Variants in SLC12A3 observed in about 807,000 individuals in gnomAD.
SLC12A3 encodes the protein Na-Cl cotransporter.
A neutral mutation model predicts 121.0 loss-of-function variants in SLC12A3; 104 were observed. That is an observed-to-expected ratio of 0.86 (90% CI 0.73 to 1.01). The LOEUF is 1.01. SLC12A3 is among the 50% of genes least tolerant of loss of function. The pLI is 0.00. For missense variants in SLC12A3, 1,328 were observed against 1,356.3 expected (o/e 0.98, Z 0.33); for synonymous variants, 536 against 533.4 (o/e 1.00, Z -0.07).
In SLC12A3 at chr16:56,902,919, G is replaced by A. The variant is rs1045309897; in HGVS notation, c.2856+411G>A. ...CCAGCACTTTGGGAGGCCGAGGCAG[G>A]TGGATCACTTGAGGTCAGGAGTTCA... On this transcript the variant is annotated intron_variant, in intron 24 of 25. Coordinates refer to ENST00000563236, the MANE Select transcript of SLC12A3 (RefSeq NM_001126108.2). Among the ~76,000 whole-genome samples, 76 of 152,240 alleles carry A rather than the reference G, an allele frequency of 5.0e-4. 1 individual carries two copies. Among genetic ancestry groups the A allele is most frequent in the African/African-American group, 1.7e-3 (72 of 41,538 alleles).
chr16:56,886,331 G>A (rs1283666633), intron 15 of SLC12A3, 33 bp from the exon 16 acceptor site: 10 of 1,546,862 alleles, frequency 6.5e-6, no homozygotes, highest in Non-Finnish European at 8.9e-6. Context: ...GCTCTCTCCT[G>A]ATGGCTCCTG....
intron 8 of SLC12A3, among the ~76,000 whole-genome samples, chr16:56,873,258 G>A: frequency 6.6e-6 from 1 of 152,014 alleles, no homozygotes; most frequent in Non-Finnish European, 1.5e-5. Context: ...AGGCTCTACT[G>A]CTTTGCCCGT....
At chr16:56,874,321 G>C (rs1342404385) in intron 8 of SLC12A3, among the ~76,000 whole-genome samples, 1 of 152,228 alleles carries the variant, frequency 6.6e-6, no homozygotes, top group East Asian at 1.9e-4. Context: ...CTGGGTGCAG[G>C]AGGCGCCAGA....
intron 14 of SLC12A3, 42 bp from the exon 15 acceptor site, chr16:56,885,223 C>A: frequency 8.3e-7 from 1 of 1,199,250 alleles, no homozygotes; most frequent in South Asian, 1.3e-5. Context: ...TCTAGTGATT[C>A]CTAACTCTGC....
chr16:56,879,180 T>A lies in SLC12A3; in HGVS notation c.1288T>A (p.Cys430Ser). Residue 430 changes from cysteine to serine, a missense_variant, in exon 10 of 26, where the codon TGC becomes AGC. Cys to Ser is a moderately radical substitution (Grantham distance 112). Transcript: ENST00000563236. ...ACSYGWNFTE[C>S]TQQHSCHYGL... ...CAGCTATGGCTGGAACTTCACCGAG[T>A]GCACCCAGCAGCACAGCTGCCACTA... 2.5e-6 allele frequency: 4 copies of A among 1,613,028 alleles called. No homozygotes were observed. Among genetic ancestry groups the A allele is most frequent in the Non-Finnish European group, 2.5e-6 (3 of 1,179,986 alleles).
intron 25 of SLC12A3, chr16:56,904,977 G>A (rs1479154797): frequency 4.5e-6 from 1 of 221,986 alleles, no homozygotes; most frequent in African/African-American, 2.3e-5. Flanking sequence ...CAAGCAGAAT[G>A]TGGGATGGAA....
chr16:56,868,188 TG>T (rs1964403193), intron 2 of SLC12A3, 108 bp from the exon 3 acceptor site: 2 of 980,114 alleles, frequency 2.0e-6, no homozygotes, highest in Non-Finnish European at 3.2e-6. Context: ...GGGACCCAGG[TG>T]TCCCTAGGGC....
At chr16:56,887,833 C>G in intron 17 of SLC12A3, 92 bp from the exon 18 acceptor site, 3 of 557,736 alleles carry the variant, frequency 5.4e-6, no homozygotes, top group East Asian at 3.5e-5. Flanking sequence ...ATCAGCACAT[C>G]TGGAGACATC....
At chr16:56,874,070 C>T (rs1342468872) in intron 8 of SLC12A3, among the ~76,000 whole-genome samples, 3 of 152,202 alleles carry the variant, frequency 2.0e-5, no homozygotes, top group African/African-American at 7.2e-5. Context: ...CCATCAGAGT[C>T]ATGGTTCCCC....
chr16:56,893,131 G>C, intron 21 of SLC12A3, 77 bp downstream of exon 21: 1 of 1,235,980 alleles, frequency 8.1e-7, no homozygotes, highest in Non-Finnish European at 1.2e-6. Flanking sequence ...TCTCCTTCCT[G>C]GCCTGCTCTC....
At chr16:56,891,523 T>C (rs2144740470) in intron 19 of SLC12A3, among the ~76,000 whole-genome samples, 1 of 152,276 alleles carries the variant, frequency 6.6e-6, no homozygotes, top group South Asian at 2.1e-4. Flanking sequence ...GTGCCATTGC[T>C]GAGGGCATGT....
chr16:56,907,595 C>T (rs1567449824), intron 25 of SLC12A3, among the ~76,000 whole-genome samples: 2 of 152,192 alleles, frequency 1.3e-5, no homozygotes, highest in Non-Finnish European at 2.9e-5. Flanking sequence ...GTTCTAGAGG[C>T]TGGGAAGTCC....
chr16:56,910,400 A>T (rs2055669704), intron 25 of SLC12A3, among the ~76,000 whole-genome samples: 1 of 151,922 alleles, frequency 6.6e-6, no homozygotes, highest in African/African-American at 2.4e-5. Flanking sequence ...CAGTAGTGAG[A>T]TCTCAGCTCA....
At chr16:56,892,224 T>C (rs748749394) in intron 20 of SLC12A3, 91 bp downstream of exon 20, 8 of 1,181,684 alleles carry the variant, frequency 6.8e-6, no homozygotes, top group Non-Finnish European at 1.0e-5. Context: ...GGTGGGCCAC[T>C]TGGGAACTTG....
intron 19 of SLC12A3, among the ~76,000 whole-genome samples, chr16:56,891,371 CA>C (rs35706137): frequency 0.27 from 20,147 of 73,626 alleles, 995 homozygotes; most frequent in African/African-American, 0.31. Flanking sequence ...GACCCTGTCT[CA>C]AAAAAAAAAA....
At chr16:56,896,066 T>C (rs1464583936) in intron 22 of SLC12A3, among the ~76,000 whole-genome samples, 1 of 152,214 alleles carries the variant, frequency 6.6e-6, no homozygotes, top group Non-Finnish European at 1.5e-5. Flanking sequence ...TAACAGGCCA[T>C]GGTCAGTACC....
intron 24 of SLC12A3, 38 bp downstream of exon 24, chr16:56,902,546 A>C: frequency 1.3e-6 from 2 of 1,568,868 alleles, no homozygotes; most frequent in Non-Finnish European, 1.7e-6. Flanking sequence ...GCGACACATC[A>C]CTGGGTCAGG....
chr16:56,894,780 C>T, intron 22 of SLC12A3, 138 bp downstream of exon 22: 3 of 688,796 alleles, frequency 4.4e-6, no homozygotes, highest in Non-Finnish European at 7.9e-6. Flanking sequence ...CCAGGGCCAG[C>T]TCTCTCCAGG....
intron 21 of SLC12A3, 73 bp from the exon 22 acceptor site, chr16:56,894,458 C>G: frequency 1.9e-6 from 2 of 1,050,116 alleles, no homozygotes; most frequent in Non-Finnish European, 2.9e-6. Context: ...AATGGCAGAG[C>G]GGGGCAGGAA....
Sources: gnomAD v4.1 joint callset for allele counts (sites outside exome capture counted in the v4.1 genomes callset) on GRCh38, gnomAD v4.1.1 for gene constraint, MANE v1.5 for transcripts, NCBI Gene and HGNC (gene_info 2026-07-23, HGNC 2026-07-21) for gene names.